Variants in ARHGAP17 observed in about 807,000 individuals in gnomAD.
ARHGAP17 encodes the protein rho GTPase-activating protein 17.
In ARHGAP17, 57 loss-of-function variants were observed where a neutral mutation model predicts 99.5. That is an observed-to-expected ratio of 0.57 (90% CI 0.46 to 0.71). ARHGAP17 has a LOEUF of 0.71. Among genes scored for constraint, ARHGAP17 ranks in the 30% least tolerant of loss-of-function variants. The pLI is 0.00. For missense variants in ARHGAP17, 1,000 were observed against 1,122.4 expected, an observed-to-expected ratio of 0.89 and a Z score of 1.56; for synonymous variants, 417 against 429.6, an observed-to-expected ratio of 0.97 and a Z score of 0.36.
chr16:24,933,733 G>A (rs2051057024), intron 18 of ARHGAP17, among the ~76,000 whole-genome samples: 1 of 151,972 alleles, frequency 6.6e-6, no homozygotes, highest in Non-Finnish European at 1.5e-5. Flanking sequence ...AGGGAGCGTG[G>A]GAGCAAAGTG....
intron 9 of ARHGAP17, chr16:24,954,962 A>G (rs557501188): frequency 1.2e-5 from 6 of 494,990 alleles, no homozygotes; most frequent in Non-Finnish European, 2.1e-5. Context: ...CCTAGATGGC[A>G]CCAACTCAGG....
At chr16:24,991,469 G>T (rs2053039127) in intron 1 of ARHGAP17, among the ~76,000 whole-genome samples, 1 of 151,892 alleles carries the variant, frequency 6.6e-6, no homozygotes, top group African/African-American at 2.4e-5. Context: ...GTCGAGCCTG[G>T]ACCACACAAA....
intron 1 of ARHGAP17, among the ~76,000 whole-genome samples, chr16:24,982,994 ATATTTTTTTT>A (rs1260669905): frequency 8.1e-4 from 14 of 17,380 alleles, no homozygotes; most frequent in African/African-American, 2.1e-3. Context: ...ATATATATAT[ATATTTTTTTT>A]TTTTTTTTTT....
At chr16:24,988,089 TGA>T (rs1254962685) in intron 1 of ARHGAP17, among the ~76,000 whole-genome samples, 1 of 152,236 alleles carries the variant, frequency 6.6e-6, no homozygotes, top group Non-Finnish European at 1.5e-5. Context: ...CCTGAGCCTC[TGA>T]GCCCAGTTTG....
Position 24,970,575 on chromosome 16 carries a change from T to C in ARHGAP17, c.204A>G (p.Lys68=), listed in dbSNP as rs1447668561. 1.9e-6 allele frequency: 3 copies of C among 1,613,944 alleles called. No individual in the cohort carries two copies. The highest frequency in any genetic ancestry group is 2.2e-5 in the South Asian group (2 of 91,076). The change falls in exon 4 of 20, where the codon AAA becomes AAG. Residue 68 remains lysine, a synonymous_variant. Coordinates refer to ENST00000289968, the MANE Select transcript of ARHGAP17 (RefSeq NM_001006634.3). The stretch of plus-strand genomic sequence containing the variant: ...TTTGAGCAAGAGCTGTCAGAGGCAG[T>C]TTTTTCTGGAAGATAGAAGACAGTG... ...HGTDAERRHK[K]LPLTALAQNM...
intron 11 of ARHGAP17, 123 bp downstream of exon 11, chr16:24,952,808 C>T (rs1025414901): frequency 2.5e-6 from 2 of 785,160 alleles, no homozygotes; most frequent in African/African-American, 1.7e-5. Context: ...GTAGCAAGAG[C>T]CACTTCGGTT....
chr16:24,941,973 C>A lies in ARHGAP17; in HGVS notation c.1490+14G>T, dbSNP rs28527472. On this transcript the variant is annotated intron_variant, in intron 16 of 19. Coordinates refer to ENST00000289968, the MANE Select transcript of ARHGAP17 (RefSeq NM_001006634.3). ...TATTTACTGCTGGTTTGGAAGTGAA[C>A]GGTCAAATCATACCTTTCCTTCTTC... 1.3e-4 allele frequency: 210 copies of A among 1,613,616 alleles called. No individual in the cohort carries two copies. Among genetic ancestry groups the A allele is most frequent in the Non-Finnish European group, 1.6e-4 (188 of 1,179,838 alleles).
At chr16:24,925,274 G>A (rs1421217918) in intron 19 of ARHGAP17, among the ~76,000 whole-genome samples, 5 of 152,240 alleles carry the variant, frequency 3.3e-5, no homozygotes, top group Non-Finnish European at 5.9e-5. Context: ...AGCTACTTGG[G>A]AGGCTGAGGC....
chr16:25,011,649 G>C (rs1282501007), intron 1 of ARHGAP17, among the ~76,000 whole-genome samples: 1 of 150,878 alleles, frequency 6.6e-6, no homozygotes, highest in African/African-American at 2.4e-5. Flanking sequence ...AGGCTGCAGT[G>C]AGCCGCGCCA....
rs976983558 is a variant in ARHGAP17, at chr16:24,982,943, TA to T, written c.54-3939del. ...AACAGTAGACAAAGTGATCCAATCATAAAAAATAATACTTGATAAATCATAT... is the reference window on the plus strand; with the variant it reads ...AACAGTAGACAAAGTGATCCAATCATAAAAATAATACTTGATAAATCATAT... On this transcript the variant is annotated intron_variant, in intron 1 of 19. Transcript: ENST00000289968. 7.2e-5 allele frequency among the ~76,000 whole-genome samples: 9 copies of T among 125,282 alleles called. No individual in the cohort carries two copies. The South Asian group carries it at 2.1e-3, about 29-fold the overall frequency. 82.2% of individuals were successfully genotyped at this position (125,282 alleles called of 152,430 possible). A position where few individuals can be genotyped will look rare whatever the true frequency, so the allele number is the denominator to read the frequency against.
At chr16:24,987,344 G>A (rs1209827620) in intron 1 of ARHGAP17, among the ~76,000 whole-genome samples, 3 of 152,196 alleles carry the variant, frequency 2.0e-5, no homozygotes, top group Non-Finnish European at 4.4e-5. Context: ...TGAGCCTGCA[G>A]CAGCCGCATT....
intron 7 of ARHGAP17, among the ~76,000 whole-genome samples, chr16:24,960,895 A>ATTC (rs1284776710): frequency 2.0e-5 from 3 of 151,752 alleles, no homozygotes; most frequent in Non-Finnish European, 4.4e-5. Flanking sequence ...TTTTTGAGAT[A>ATTC]GAGTCTCACT....
intron 1 of ARHGAP17, among the ~76,000 whole-genome samples, chr16:24,986,154 C>G (rs867321513): frequency 1.3e-5 from 2 of 152,194 alleles, no homozygotes; most frequent in Non-Finnish European, 2.9e-5. Flanking sequence ...CAGTAGCAGC[C>G]ATATTTGCTG....
chr16:24,987,828 G>A (rs572229076), intron 1 of ARHGAP17, among the ~76,000 whole-genome samples: 3 of 152,296 alleles, frequency 2.0e-5, no homozygotes, highest in East Asian at 3.9e-4. Flanking sequence ...TTTTTAATGA[G>A]CTCATTTTCA....
chr16:24,996,387 C>G (rs1163257936), intron 1 of ARHGAP17, among the ~76,000 whole-genome samples: 1 of 152,188 alleles, frequency 6.6e-6, no homozygotes, highest in Admixed American at 6.5e-5. Flanking sequence ...AAAAAAATTT[C>G]TTCAGCGTTA....
intron 6 of ARHGAP17, among the ~76,000 whole-genome samples, chr16:24,965,766 C>T (rs2141294886): frequency 6.6e-6 from 1 of 152,304 alleles, no homozygotes; most frequent in African/African-American, 2.4e-5. Context: ...GCCTCATCTA[C>T]AAAACTATCA....
intron 1 of ARHGAP17, among the ~76,000 whole-genome samples, chr16:25,007,722 C>T (rs1055878453): frequency 2.6e-5 from 4 of 152,214 alleles, no homozygotes; most frequent in African/African-American, 9.6e-5. Flanking sequence ...TGAAAGCAGG[C>T]AGCCCACAGC....
chr16:24,942,879 G>A (rs2051356803), intron 15 of ARHGAP17, among the ~76,000 whole-genome samples: 1 of 152,110 alleles, frequency 6.6e-6, no homozygotes, highest in Admixed American at 6.5e-5. Flanking sequence ...TTTCCTCAAA[G>A]GAAACCTTGA....
At chr16:24,931,490 A>G in intron 18 of ARHGAP17, 86 bp from the exon 19 acceptor site, 5 of 1,348,676 alleles carry the variant, frequency 3.7e-6, no homozygotes, top group Non-Finnish European at 4.9e-6. Flanking sequence ...TAACATCACC[A>G]GTAATAAGGT....
Sources: gnomAD v4.1 joint callset for allele counts (sites outside exome capture counted in the v4.1 genomes callset) on GRCh38, gnomAD v4.1.1 for gene constraint, MANE v1.5 for transcripts, NCBI Gene and HGNC (gene_info 2026-07-23, HGNC 2026-07-21) for gene names.